The following WWC1 variants were observed in gnomAD, a reference collection of about 807,000 sequenced individuals.
WWC1 encodes protein KIBRA.
WWC1 carries 55 observed loss-of-function variants against 138.4 expected under a neutral mutation model. The observed-to-expected ratio is 0.40, with a 90% CI of 0.32 to 0.50. The LOEUF is 0.50. Ranked by LOEUF, WWC1 falls within the 20% of genes least tolerant of loss-of-function variation. WWC1 has a pLI of 0.72. For missense variants in WWC1, 1,226 were observed against 1,420.4 expected (o/e 0.86, Z 2.20); for synonymous variants, 524 against 564.9 (o/e 0.93, Z 1.03).
intron 9 of WWC1, chr5:168,414,795 A>G: frequency 1.4e-6 from 1 of 698,562 alleles, no homozygotes; most frequent in Non-Finnish European, 2.2e-6. Context: ...GGAATTTTGC[A>G]TGGTGAATCA....
intron 17 of WWC1, among the ~76,000 whole-genome samples, chr5:168,449,923 A>G (rs1373453183): frequency 6.6e-6 from 1 of 152,214 alleles, no homozygotes; most frequent in African/African-American, 2.4e-5. Context: ...CAAGGAGGAG[A>G]GCCAAGGCCC....
intron 1 of WWC1, among the ~76,000 whole-genome samples, chr5:168,329,885 G>A (rs994551216): frequency 1.6e-4 from 25 of 152,150 alleles, no homozygotes; most frequent in Non-Finnish European, 2.9e-4. Flanking sequence ...TGAGGCAGGC[G>A]GATCACCTGA....
Position 168,431,411 on chromosome 5 carries a change from T to C in WWC1, c.2247T>C (p.Cys749=). ...AGAAGACCTTAAGAGTCGATGTCTG[T>C]ACCACCGACAGGAGCCATCTGGAAG... ...LHQKTLRVDV[C]TTDRSHLEEC... Residue 749 remains cysteine, a synonymous_variant, in exon 15 of 23, where the codon TGT becomes TGC. Transcript: ENST00000265293. 1 of 1,613,062 alleles carries C rather than the reference T, an allele frequency of 6.2e-7. No homozygotes were observed. The highest frequency in any genetic ancestry group is 8.5e-7 in the Non-Finnish European group (1 of 1,179,776).
rs368798533 is a variant in WWC1, at chr5:168,354,774, T to C, written c.120-16650T>C. Among the ~76,000 whole-genome samples, 10 of 152,276 alleles carry C rather than the reference T, an allele frequency of 6.6e-5. No homozygotes were observed. The South Asian group carries it at 2.1e-3, about 32-fold the overall frequency. On this transcript the variant is annotated intron_variant, in intron 1 of 22. Transcript: ENST00000265293. ...CGTTCTTTGGTCATTTCCAGTTTGCTGTGGGGTGTGTAGAGAGCATTGAGC... is the reference window on the plus strand; with the variant it reads ...CGTTCTTTGGTCATTTCCAGTTTGCCGTGGGGTGTGTAGAGAGCATTGAGC...
At chr5:168,351,591 G>A (rs1315838241) in intron 1 of WWC1, among the ~76,000 whole-genome samples, 1 of 152,202 alleles carries the variant, frequency 6.6e-6, no homozygotes, top group African/African-American at 2.4e-5. Context: ...GAGATGAGAA[G>A]AGGTTGCTCT....
At chr5:168,417,341 C>G (rs1299018868) in intron 9 of WWC1, among the ~76,000 whole-genome samples, 1 of 152,138 alleles carries the variant, frequency 6.6e-6, no homozygotes. Context: ...CTCTTCCCTT[C>G]TGTAAAATTG....
At chr5:168,411,794 A>G (rs781664806) in intron 8 of WWC1, 7 of 180,496 alleles carry the variant, frequency 3.9e-5, no homozygotes, top group Non-Finnish European at 5.3e-5. Flanking sequence ...GTTACAGGAC[A>G]GTTGGGGGTG....
intron 1 of WWC1, among the ~76,000 whole-genome samples, chr5:168,327,626 G>C (rs1212111076): frequency 6.6e-6 from 1 of 152,234 alleles, no homozygotes; most frequent in Non-Finnish European, 1.5e-5. Flanking sequence ...GCTGGAGGTA[G>C]CAAGAGTAAA....
intron 1 of WWC1, among the ~76,000 whole-genome samples, chr5:168,302,106 A>G (rs149124906): frequency 1.3e-5 from 2 of 152,322 alleles, no homozygotes; most frequent in African/African-American, 4.8e-5. Context: ...GGCAGAGCTA[A>G]AAAGGCTGAT....
chr5:168,460,787 C>T (rs770498213), intron 20 of WWC1, 45 bp downstream of exon 20: 21 of 1,592,874 alleles, frequency 1.3e-5, no homozygotes, highest in African/African-American at 6.7e-5. Flanking sequence ...GCTCCTCCCT[C>T]GTTGCCCCAA....
chr5:168,460,763 C>T (rs1756733668), intron 20 of WWC1, 21 bp downstream of exon 20: 1 of 1,612,864 alleles, frequency 6.2e-7, no homozygotes, highest in Non-Finnish European at 8.5e-7. Flanking sequence ...CACCTCAAAG[C>T]TATTTTTCTG....
In WWC1 at chr5:168,298,808, G is replaced by A. The variant is rs187468582; in HGVS notation, c.119+6537G>A. Among the ~76,000 whole-genome samples the A allele has an allele frequency of 1.5e-3, 221 of 152,292 alleles. 1 individual carries two copies. The highest frequency in any genetic ancestry group is 4.9e-3 in the Admixed American group (75 of 15,284). ...TTAGAAAGGTTAAGTAACCGGCCGG[G>A]CGCAGTGGCTCACTCCTGTAATTTC... On this transcript the variant is annotated intron_variant, in intron 1 of 22. Coordinates refer to ENST00000265293, the MANE Select transcript of WWC1 (RefSeq NM_015238.3).
intron 1 of WWC1, among the ~76,000 whole-genome samples, chr5:168,323,080 G>A (rs1243460722): frequency 2.0e-5 from 3 of 152,234 alleles, no homozygotes; most frequent in Non-Finnish European, 4.4e-5. Flanking sequence ...ATAATTGACT[G>A]TTTAGATATG....
chr5:168,456,361 AGT>A (rs1387775177), intron 19 of WWC1, among the ~76,000 whole-genome samples: 1 of 152,098 alleles, frequency 6.6e-6, no homozygotes, highest in East Asian at 1.9e-4. Flanking sequence ...ACCTGGGCGC[AGT>A]GGCTCATGCC....
At chr5:168,453,229 G>GAA (rs34768415) in intron 17 of WWC1, among the ~76,000 whole-genome samples, 14 of 146,078 alleles carry the variant, frequency 9.6e-5, no homozygotes, top group South Asian at 2.2e-4. Context: ...GATTCAAAAG[G>GAA]AAAAAAAAAA....
chr5:168,395,925 C>A (rs1386001661), intron 3 of WWC1, among the ~76,000 whole-genome samples: 2 of 152,228 alleles, frequency 1.3e-5, no homozygotes, highest in Non-Finnish European at 2.9e-5. Context: ...ACCAAAAGGC[C>A]TATTAAAATA....
chr5:168,339,907 TTCTCTCTC>T (rs10593765), intron 1 of WWC1, among the ~76,000 whole-genome samples: 1 of 138,302 alleles, frequency 7.2e-6, no homozygotes, highest in African/African-American at 2.8e-5. Flanking sequence ...CTCTCTCTCT[TTCTCTCTC>T]TCTCTCTCTT....
chr5:168,326,028 G>C (rs1772502479), intron 1 of WWC1, among the ~76,000 whole-genome samples: 1 of 152,000 alleles, frequency 6.6e-6, no homozygotes, highest in Admixed American at 6.6e-5. Context: ...CTTGTATGTT[G>C]ATATCACATT....
intron 19 of WWC1, among the ~76,000 whole-genome samples, chr5:168,457,694 C>T (rs1756460096): frequency 6.6e-6 from 1 of 152,194 alleles, no homozygotes; most frequent in Non-Finnish European, 1.5e-5. Flanking sequence ...AATTGGGTGA[C>T]ACCTTCACCG....
Sources: gnomAD v4.1 joint callset for allele counts (sites outside exome capture counted in the v4.1 genomes callset) on GRCh38, gnomAD v4.1.1 for gene constraint, MANE v1.5 for transcripts, NCBI Gene and HGNC (gene_info 2026-07-23, HGNC 2026-07-21) for gene names.